The following PALM2AKAP2 variants were observed in gnomAD, a reference collection of about 807,000 sequenced individuals.
PALM2AKAP2 encodes the protein PALM2-AKAP2 fusion protein.
A neutral mutation model predicts 71.5 loss-of-function variants in PALM2AKAP2; 37 were observed. The observed-to-expected ratio is 0.52, with a 90% CI of 0.40 to 0.68. PALM2AKAP2 has a LOEUF of 0.68. Among genes scored for constraint, PALM2AKAP2 ranks in the 30% least tolerant of loss-of-function variants. The pLI, the probability that PALM2AKAP2 is intolerant of heterozygous loss-of-function variation, is 0.00. For synonymous variants in PALM2AKAP2, 468 were observed against 478.8 expected (o/e 0.98, Z 0.29); for missense variants, 1,224 against 1,191.8 (o/e 1.03, Z -0.40).
intron 6 of PALM2AKAP2, among the ~76,000 whole-genome samples, chr9:109,942,267 T>G (rs1192231763): frequency 6.6e-6 from 1 of 151,782 alleles, no homozygotes; most frequent in East Asian, 1.9e-4. Context: ...ATGAAAGAGG[T>G]TTTTTCATTT....
At chr9:110,009,441 G>A (rs937075595) in intron 6 of PALM2AKAP2, among the ~76,000 whole-genome samples, 4 of 152,006 alleles carry the variant, frequency 2.6e-5, no homozygotes, top group East Asian at 3.9e-4. Context: ...TTGGCCGGGC[G>A]CGGTGGCTCA....
intron 3 of PALM2AKAP2, among the ~76,000 whole-genome samples, chr9:110,167,546 T>C (rs868770874): frequency 6.6e-6 from 1 of 152,142 alleles, no homozygotes; most frequent in Non-Finnish European, 1.5e-5. Flanking sequence ...ACTGCCCTAG[T>C]GAATGGGAGG....
At chr9:109,747,316 GT>G (rs1229814288) in intron 1 of PALM2AKAP2, among the ~76,000 whole-genome samples, 3 of 152,052 alleles carry the variant, frequency 2.0e-5, no homozygotes, top group Non-Finnish European at 4.4e-5. Flanking sequence ...TGGTATTGAG[GT>G]TTTTTAAAAT....
chr9:109,765,440 T>A (rs1829133404), intron 1 of PALM2AKAP2: 1 of 153,718 alleles, frequency 6.5e-6, no homozygotes, highest in East Asian at 1.9e-4. Context: ...TTCATCACCA[T>A]CATCATGATC....
chr9:109,771,523 T>C (rs1299949267), intron 1 of PALM2AKAP2, among the ~76,000 whole-genome samples: 1 of 152,206 alleles, frequency 6.6e-6, no homozygotes, highest in East Asian at 1.9e-4. Flanking sequence ...CCCAGAATCC[T>C]AGAAATCTCC....
chr9:109,758,110 A>G (rs1828993223), intron 1 of PALM2AKAP2, among the ~76,000 whole-genome samples: 1 of 152,008 alleles, frequency 6.6e-6, no homozygotes. Context: ...TTTTTAACCT[A>G]AATACTAACA....
intron 1 of PALM2AKAP2, among the ~76,000 whole-genome samples, chr9:110,099,263 G>T (rs1182798592): frequency 1.3e-5 from 2 of 152,200 alleles, no homozygotes; most frequent in African/African-American, 4.8e-5. Context: ...GGTGCATCCA[G>T]AGTTACCCTG....
chr9:109,837,564 A>C (rs536410343), intron 1 of PALM2AKAP2, among the ~76,000 whole-genome samples: 7 of 152,358 alleles, frequency 4.6e-5, no homozygotes, highest in Non-Finnish European at 4.4e-5. Flanking sequence ...AAATGCTCCA[A>C]GTAAAAGACA....
At chr9:109,851,163 G>C (rs2795059) in intron 1 of PALM2AKAP2, among the ~76,000 whole-genome samples, 122,279 of 151,098 alleles carry the variant, frequency 0.81, 49,668 homozygotes, top group East Asian at 0.97. Flanking sequence ...GGCAACAGAG[G>C]GAGACTCCGT....
chr9:110,060,866 C>T (rs903726261), intron 1 of PALM2AKAP2, among the ~76,000 whole-genome samples: 1 of 152,186 alleles, frequency 6.6e-6, no homozygotes, highest in Non-Finnish European at 1.5e-5. Flanking sequence ...TCCCAAAGTG[C>T]TGGGATTACA....
chr9:110,150,591 TGC>T (rs1564335751), intron 2 of PALM2AKAP2, among the ~76,000 whole-genome samples: 2 of 152,212 alleles, frequency 1.3e-5, no homozygotes, highest in African/African-American at 4.8e-5. Context: ...TAATCACAAC[TGC>T]AAAGTTCTTT....
At chr9:109,674,582 T>C (rs889472737) in intron 1 of PALM2AKAP2, among the ~76,000 whole-genome samples, 4 of 152,014 alleles carry the variant, frequency 2.6e-5, no homozygotes, top group Non-Finnish European at 5.9e-5. Flanking sequence ...TATACTTTCT[T>C]CTAATGTGTG....
chr9:109,961,729 C>T (rs1831854757), intron 6 of PALM2AKAP2, among the ~76,000 whole-genome samples: 1 of 152,230 alleles, frequency 6.6e-6, no homozygotes, highest in African/African-American at 2.4e-5. Context: ...AGACACAATG[C>T]TGAGGGCACG....
intron 1 of PALM2AKAP2, among the ~76,000 whole-genome samples, chr9:109,736,241 A>T (rs1454410046): frequency 6.6e-6 from 1 of 152,238 alleles, no homozygotes; most frequent in African/African-American, 2.4e-5. Flanking sequence ...ATAAATACAT[A>T]TAATTTGTGA....
rs543497799 is a variant in PALM2AKAP2 at position 110,038,398 on chromosome 9, A to G, written c.582+22359A>G. Among the ~76,000 whole-genome samples, 42 of 152,016 alleles carry G rather than the reference A, an allele frequency of 2.8e-4. No homozygotes were observed. In the South Asian group the frequency reaches 8.3e-3, roughly 30 times the overall value. Reference sequence around the variant, plus strand: ...CAGAGAGCACTGAGGAGAATCAAGAAACAGTTGTGAAAGCCAAATGAAGAA... The same window carrying G: ...CAGAGAGCACTGAGGAGAATCAAGAGACAGTTGTGAAAGCCAAATGAAGAA... On this transcript the variant is annotated intron_variant, in intron 7 of 9. Transcript: ENST00000302798.
intron 1 of PALM2AKAP2, among the ~76,000 whole-genome samples, chr9:110,091,456 A>ATTTTTTTTTTT (rs1194438639): frequency 7.4e-5 from 5 of 67,424 alleles, no homozygotes; most frequent in African/African-American, 2.1e-4. Context: ...TTTGAGATTT[A>ATTTTTTTTTTT]TTCTTTTTTT....
chr9:109,882,839 G>A (rs956248705), intron 3 of PALM2AKAP2, among the ~76,000 whole-genome samples: 3 of 151,614 alleles, frequency 2.0e-5, no homozygotes, highest in Non-Finnish European at 4.4e-5. Context: ...GGTAGAGAAA[G>A]AGTCTCACTA....
At chr9:110,009,510 C>T (rs1032416078) in intron 6 of PALM2AKAP2, among the ~76,000 whole-genome samples, 3 of 151,862 alleles carry the variant, frequency 2.0e-5, no homozygotes, top group Admixed American at 6.6e-5. Flanking sequence ...GTCAGGAGAC[C>T]GAGACCATCC....
At chr9:110,068,075 A>G (rs1190433311) in intron 1 of PALM2AKAP2, among the ~76,000 whole-genome samples, 2 of 135,106 alleles carry the variant, frequency 1.5e-5, no homozygotes, top group African/African-American at 5.9e-5. Flanking sequence ...GTATTTGCTT[A>G]TGTTCCAAAC....
Sources: gnomAD v4.1 joint callset for allele counts (sites outside exome capture counted in the v4.1 genomes callset) on GRCh38, gnomAD v4.1.1 for gene constraint, MANE v1.5 for transcripts, NCBI Gene and HGNC (gene_info 2026-07-23, HGNC 2026-07-21) for gene names.